The following MAGI2 variants were observed in gnomAD, a reference collection of about 807,000 sequenced individuals.
MAGI2 encodes membrane-associated guanylate kinase, WW and PDZ domain-containing protein 2.
A neutral mutation model predicts 133.3 loss-of-function variants in MAGI2; 35 were observed. That is an observed-to-expected ratio of 0.26 (90% CI 0.20 to 0.35). MAGI2 has a LOEUF of 0.35. Among genes scored for constraint, MAGI2 ranks in the 10% least tolerant of loss-of-function variants. The probability of loss-of-function intolerance (pLI) is 1.00; values close to 1 mark genes in which losing one functional copy is unlikely to be tolerated. For synonymous variants in MAGI2, 729 were observed against 710.6 expected (o/e 1.03, Z -0.41); for missense variants, 1,636 against 1,863.4 (o/e 0.88, Z 2.25).
chr7:78,453,673 C>T (rs937406866), intron 6 of MAGI2, among the ~76,000 whole-genome samples: 1 of 152,168 alleles, frequency 6.6e-6, no homozygotes, highest in African/African-American at 2.4e-5. Flanking sequence ...GAACAGTTAT[C>T]ATGTGTCAGG....
rs74567614 is a variant in MAGI2 at position 78,496,237 on chromosome 7, T to C, written c.965+5340A>G. ...AGCCCTGACAAATATTTGTAAACCA[T>C]ACACAGCTATGACATTTTTCACAGA... On this transcript the variant is annotated intron_variant, in intron 5 of 21. Transcript: ENST00000354212. Among the ~76,000 whole-genome samples, 5,026 of 152,260 alleles carry C rather than the reference T, an allele frequency of 0.033. 549 individuals are homozygous for C. The East Asian group carries it at 0.39, about 12-fold the overall frequency.
rs571421348 is a variant in MAGI2 at position 78,191,384 on chromosome 7, A to T, written c.2269+3490T>A. On this transcript the variant is annotated intron_variant, in intron 12 of 21. Transcript: ENST00000354212. Reference sequence around the variant, plus strand: ...TTATTTTTACTGCACAATTTCACACATTAAAATATTGATATTATTTGCTGT... The same window carrying T: ...TTATTTTTACTGCACAATTTCACACTTTAAAATATTGATATTATTTGCTGT... Among the ~76,000 whole-genome samples the T allele has an allele frequency of 5.3e-5, 8 of 152,352 alleles. No individual in the cohort carries two copies. In the South Asian group the frequency reaches 6.2e-4, roughly 12 times the overall value.
At chr7:78,031,761 G>A (rs61129295) in intron 21 of MAGI2, among the ~76,000 whole-genome samples, 1,810 of 152,236 alleles carry the variant, frequency 0.012, 31 homozygotes, top group East Asian at 0.079. Flanking sequence ...GATGGAAACC[G>A]ATAATAGCCA....
chr7:79,128,785 C>T (rs1820657303), intron 1 of MAGI2, among the ~76,000 whole-genome samples: 1 of 152,062 alleles, frequency 6.6e-6, no homozygotes, highest in East Asian at 1.9e-4. Context: ...GGGTTACATC[C>T]CCATAAACCT....
At chr7:78,224,339 G>A (rs13438052) in intron 10 of MAGI2, among the ~76,000 whole-genome samples, 25,034 of 152,068 alleles carry the variant, frequency 0.16, 2,805 homozygotes, top group East Asian at 0.32. Flanking sequence ...GTTAGTCTTC[G>A]TACTCACTTA....
At chr7:78,094,943 G>A (rs527249580) in intron 20 of MAGI2, among the ~76,000 whole-genome samples, 8 of 152,182 alleles carry the variant, frequency 5.3e-5, no homozygotes, top group African/African-American at 1.2e-4. Context: ...CTCTGCAGCC[G>A]CCCTCTCTCT....
chr7:78,218,042 GAGAAT>G (rs1379986262), intron 10 of MAGI2, among the ~76,000 whole-genome samples: 6 of 152,258 alleles, frequency 3.9e-5, no homozygotes, highest in African/African-American at 1.4e-4. Context: ...GGGTTGGAAA[GAGAAT>G]AGACACAGAT....
chr7:78,057,060 T>TTATA (rs59064919), intron 21 of MAGI2, among the ~76,000 whole-genome samples: 4,253 of 145,842 alleles, frequency 0.029, 138 homozygotes, highest in African/African-American at 0.08. Context: ...TATATATAAA[T>TTATA]TATATATATA....
At chr7:78,138,900 G>A (rs2868895) in intron 16 of MAGI2, among the ~76,000 whole-genome samples, 112,904 of 152,102 alleles carry the variant, frequency 0.74, 42,228 homozygotes, top group African/African-American at 0.82. Context: ...ATATGTTGGA[G>A]GTTGAAAGCA....
In MAGI2 at chr7:78,320,408, A is replaced by G. The variant is rs577287546; in HGVS notation, c.1408+23370T>C. On this transcript the variant is annotated intron_variant, in intron 9 of 21. Transcript: ENST00000354212. The stretch of plus-strand genomic sequence containing the variant: ...GGCAAACCACATCCAGCAGCACATC[A>G]AAAAGCTTATCCACCATGATTAAGT... Among the ~76,000 whole-genome samples the G allele has an allele frequency of 2.0e-5, 3 of 152,326 alleles. No homozygotes were observed. The East Asian group carries it at 5.8e-4, about 29-fold the overall frequency.
chr7:78,651,845 T>C (rs1811608701), intron 2 of MAGI2, among the ~76,000 whole-genome samples: 1 of 151,916 alleles, frequency 6.6e-6, no homozygotes, highest in Non-Finnish European at 1.5e-5. Context: ...CTCTGAAATG[T>C]AAAAGTAGAA....
At chr7:78,960,107 C>T (rs942973875) in intron 2 of MAGI2, among the ~76,000 whole-genome samples, 10 of 152,018 alleles carry the variant, frequency 6.6e-5, no homozygotes, top group African/African-American at 2.4e-4. Flanking sequence ...AATCCTAATG[C>T]ACCATGTTAT....
At chr7:78,524,518 GA>G (rs1584494635) in intron 3 of MAGI2, among the ~76,000 whole-genome samples, 1 of 151,922 alleles carries the variant, frequency 6.6e-6, no homozygotes, top group Non-Finnish European at 1.5e-5. Flanking sequence ...AGTAATGCAA[GA>G]AAAAAAATTA....
At chr7:78,203,623 T>C (rs1047321141) in intron 10 of MAGI2, among the ~76,000 whole-genome samples, 1 of 152,200 alleles carries the variant, frequency 6.6e-6, no homozygotes, top group Non-Finnish European at 1.5e-5. Context: ...CTTCAGTCTT[T>C]GAAGCAATAG....
intron 6 of MAGI2, among the ~76,000 whole-genome samples, chr7:78,396,898 G>C (rs1023435671): frequency 2.0e-5 from 3 of 152,030 alleles, no homozygotes; most frequent in African/African-American, 7.2e-5. Context: ...TTCAATATCG[G>C]GTCGAGTGGT....
At chr7:79,421,376 TTTA>T (rs1762196917) in intron 1 of MAGI2, among the ~76,000 whole-genome samples, 1 of 152,010 alleles carries the variant, frequency 6.6e-6, no homozygotes, top group African/African-American at 2.4e-5. Context: ...CATTTTACTA[TTTA>T]TTATTATCAT....
At chr7:79,051,187 C>T (rs559149416) in intron 1 of MAGI2, among the ~76,000 whole-genome samples, 1 of 152,260 alleles carries the variant, frequency 6.6e-6, no homozygotes, top group African/African-American at 2.4e-5. Context: ...TGCTTTTTTA[C>T]TCTATCTAAT....
At chr7:78,102,702 GA>G in intron 20 of MAGI2, among the ~76,000 whole-genome samples, 1 of 152,310 alleles carries the variant, frequency 6.6e-6, no homozygotes. Flanking sequence ...ATTAGTTACA[GA>G]AAACAAGGCA....
chr7:78,124,953 C>T (rs1820833981), intron 20 of MAGI2, among the ~76,000 whole-genome samples: 1 of 151,734 alleles, frequency 6.6e-6, no homozygotes, highest in Non-Finnish European at 1.5e-5. Context: ...ACCTCCGCCT[C>T]CCTGGGCTCA....
Sources: gnomAD v4.1 joint callset for allele counts (sites outside exome capture counted in the v4.1 genomes callset) on GRCh38, gnomAD v4.1.1 for gene constraint, MANE v1.5 for transcripts, NCBI Gene and HGNC (gene_info 2026-07-23, HGNC 2026-07-21) for gene names.